Variants in CTNNBL1 observed in about 807,000 individuals in gnomAD.
CTNNBL1 encodes beta-catenin-like protein 1.
Under a neutral mutation model 72.7 loss-of-function variants are expected in CTNNBL1, and 31 were observed. That is an observed-to-expected ratio of 0.43 (90% CI 0.32 to 0.58). The LOEUF (loss-of-function observed/expected upper bound fraction) is 0.58, where lower values mean the gene tolerates loss of function less well. Among genes scored for constraint, CTNNBL1 ranks in the 20% least tolerant of loss-of-function variants. CTNNBL1 has a pLI of 0.08. For synonymous variants in CTNNBL1, 240 were observed against 267.3 expected, an observed-to-expected ratio of 0.90 and a Z score of 1.00; for missense variants, 534 against 725.1, an observed-to-expected ratio of 0.74 and a Z score of 3.03.
At chr20:37,774,026 C>T (rs2073551636) in intron 7 of CTNNBL1, among the ~76,000 whole-genome samples, 1 of 149,792 alleles carries the variant, frequency 6.7e-6, no homozygotes, top group Non-Finnish European at 1.5e-5. Context: ...GATTTTCCAA[C>T]CTCAGCCTCC....
At chr20:37,784,231 A>G (rs551188987) in intron 10 of CTNNBL1, among the ~76,000 whole-genome samples, 5 of 152,014 alleles carry the variant, frequency 3.3e-5, no homozygotes, top group Non-Finnish European at 7.4e-5. Flanking sequence ...TTTTCAGCCT[A>G]TATGTGTCTT....
chr20:37,702,069 C>T (rs1050600282), intron 1 of CTNNBL1, among the ~76,000 whole-genome samples: 19 of 152,122 alleles, frequency 1.2e-4, no homozygotes, highest in Admixed American at 6.5e-4. Flanking sequence ...AAAATAGAAT[C>T]AGGGCCTCCC....
intron 4 of CTNNBL1, 133 bp downstream of exon 4, chr20:37,746,740 C>A: frequency 1.7e-6 from 2 of 1,170,860 alleles, no homozygotes; most frequent in Non-Finnish European, 2.5e-6. Context: ...TATCTTCTGT[C>A]TTGAAACACA....
chr20:37,830,377 C>T (rs1485411061), intron 11 of CTNNBL1, among the ~76,000 whole-genome samples: 1 of 152,130 alleles, frequency 6.6e-6, no homozygotes, highest in Non-Finnish European at 1.5e-5. Context: ...CTAAAAGCCT[C>T]CTCCTGTGAC....
chr20:37,830,577 C>G (rs1354993086), intron 11 of CTNNBL1, among the ~76,000 whole-genome samples: 1 of 152,134 alleles, frequency 6.6e-6, no homozygotes, highest in Non-Finnish European at 1.5e-5. Flanking sequence ...TTTTTTCCTT[C>G]TATTCTCCCA....
intron 15 of CTNNBL1, among the ~76,000 whole-genome samples, chr20:37,863,276 G>A (rs2072507527): frequency 1.3e-5 from 2 of 152,128 alleles, no homozygotes; most frequent in African/African-American, 4.8e-5. Flanking sequence ...CCAGTGAAAT[G>A]CACGCTCCAG....
intron 9 of CTNNBL1, among the ~76,000 whole-genome samples, chr20:37,778,449 A>G (rs1303023489): frequency 1.3e-5 from 2 of 152,142 alleles, no homozygotes; most frequent in African/African-American, 4.8e-5. Context: ...TAGAGCTTTG[A>G]AATGTGAATC....
At chr20:37,863,850 G>A (rs940864774) in intron 15 of CTNNBL1, among the ~76,000 whole-genome samples, 2 of 152,186 alleles carry the variant, frequency 1.3e-5, no homozygotes, top group African/African-American at 4.8e-5. Flanking sequence ...TCAGGTTGAA[G>A]AGGCCCCAAA....
rs8118246 is a variant in CTNNBL1, at chr20:37,695,702, C to T, written c.30+1550C>T. Among the ~76,000 whole-genome samples, 337 of 152,302 alleles carry T rather than the reference C, an allele frequency of 2.2e-3. 3 individuals carry two copies. The highest frequency in any genetic ancestry group is 7.6e-3 in the African/African-American group (317 of 41,574). ...TTTGCTACTAACTGGCTGCTGTAAC[C>T]TTGAACAAAATACTTAATTTCTCTC... On this transcript the variant is annotated intron_variant, in intron 1 of 15. Coordinates refer to ENST00000361383, the MANE Select transcript of CTNNBL1 (RefSeq NM_030877.5).
intron 4 of CTNNBL1, among the ~76,000 whole-genome samples, chr20:37,754,282 C>CTTT (rs369597087): frequency 1.4e-3 from 151 of 111,828 alleles, no homozygotes; most frequent in Non-Finnish European, 2.1e-3. Context: ...TATTTATTTG[C>CTTT]TTTTTTTTTT....
chr20:37,870,540 C>T (rs1361959173), intron 15 of CTNNBL1, among the ~76,000 whole-genome samples: 1 of 152,128 alleles, frequency 6.6e-6, no homozygotes, highest in East Asian at 1.9e-4. Flanking sequence ...ATCTGTAAAT[C>T]CTATTGGAGC....
intron 2 of CTNNBL1, among the ~76,000 whole-genome samples, chr20:37,735,321 G>A (rs929455188): frequency 6.6e-6 from 1 of 152,118 alleles, no homozygotes; most frequent in Non-Finnish European, 1.5e-5. Flanking sequence ...GTAGACATGG[G>A]CTAGCAATGG....
intron 1 of CTNNBL1, chr20:37,727,308 G>C (rs2073093198): frequency 1.0e-6 from 1 of 982,312 alleles, no homozygotes; most frequent in Non-Finnish European, 1.2e-6. Flanking sequence ...TCAGGGGCAT[G>C]GATGGAGACA....
intron 10 of CTNNBL1, among the ~76,000 whole-genome samples, chr20:37,795,135 A>AT (rs1298565017): frequency 0.015 from 2,043 of 132,926 alleles, 19 homozygotes; most frequent in Middle Eastern, 0.034. Flanking sequence ...TTCAGTTATA[A>AT]TTTTTTTTTT....
intron 1 of CTNNBL1, among the ~76,000 whole-genome samples, chr20:37,726,228 C>G (rs1225422094): frequency 2.0e-5 from 3 of 152,202 alleles, no homozygotes; most frequent in Non-Finnish European, 2.9e-5. Flanking sequence ...ATCATTAACT[C>G]TAGCAATAAT....
At chr20:37,868,510 T>C (rs1030439067) in intron 15 of CTNNBL1, among the ~76,000 whole-genome samples, 2 of 152,202 alleles carry the variant, frequency 1.3e-5, no homozygotes, top group Non-Finnish European at 2.9e-5. Flanking sequence ...TTAGTTCCAC[T>C]CCGCTCTGTA....
intron 11 of CTNNBL1, among the ~76,000 whole-genome samples, chr20:37,823,580 C>T (rs187206766): frequency 2.0e-5 from 3 of 152,034 alleles, no homozygotes; most frequent in Admixed American, 6.6e-5. Context: ...GCAGGACTGT[C>T]GAGTAAGATG....
intron 15 of CTNNBL1, among the ~76,000 whole-genome samples, chr20:37,866,999 G>C (rs759230557): frequency 6.6e-6 from 1 of 152,210 alleles, no homozygotes; most frequent in Non-Finnish European, 1.5e-5. Context: ...ATGGGACTCT[G>C]AGAACATGAC....
intron 11 of CTNNBL1, among the ~76,000 whole-genome samples, chr20:37,833,953 G>C (rs2072233450): frequency 1.3e-5 from 2 of 152,190 alleles, no homozygotes; most frequent in South Asian, 4.1e-4. Context: ...GGCACCAGTA[G>C]CCTATGGCGT....
Sources: gnomAD v4.1 joint callset for allele counts (sites outside exome capture counted in the v4.1 genomes callset) on GRCh38, gnomAD v4.1.1 for gene constraint, MANE v1.5 for transcripts, NCBI Gene and HGNC (gene_info 2026-07-23, HGNC 2026-07-21) for gene names.